The following CLTRN variants were observed in gnomAD, a reference collection of about 807,000 sequenced individuals.
CLTRN encodes collectrin.
Under a neutral mutation model 14.5 loss-of-function variants are expected in CLTRN, and 12 were observed. The observed-to-expected ratio is 0.83, with a 90% CI of 0.53 to 1.34. The LOEUF (loss-of-function observed/expected upper bound fraction) is 1.34. CLTRN is among the 40% of genes most tolerant of loss of function. The pLI is 0.00. For missense variants in CLTRN, 154 were observed against 165.1 expected (o/e 0.93, Z 0.37); for synonymous variants, 58 against 56.5 (o/e 1.03, Z -0.12).
chrX:15,654,986 C>T (rs764966219), intron 3 of CLTRN, among the ~76,000 whole-genome samples: 164 of 112,467 alleles, frequency 1.5e-3, no homozygotes, highest in African/African-American at 5.1e-3. Context: ...CTCTTGACAG[C>T]ATCTGGGGCA....
At chrX:15,634,161 A>G (rs1928762933) in intron 5 of CLTRN, among the ~76,000 whole-genome samples, 1 of 112,043 alleles carries the variant, frequency 8.9e-6, no homozygotes, top group African/African-American at 3.2e-5. Flanking sequence ...TGTAAACTAC[A>G]AAGTTCCAGG....
intron 3 of CLTRN, among the ~76,000 whole-genome samples, chrX:15,648,458 G>T (rs892739621): frequency 6.3e-5 from 7 of 110,803 alleles, no homozygotes; most frequent in African/African-American, 2.3e-4. Flanking sequence ...ATCCCCTGAA[G>T]GACAAAATCA....
chrX:15,639,476 A>G, intron 5 of CLTRN, 86 bp downstream of exon 5: 1 of 864,752 alleles, frequency 1.2e-6, no homozygotes, highest in Non-Finnish European at 1.6e-6. Flanking sequence ...CATTATCTTC[A>G]GCCAGAGGAA....
At chrX:15,654,681 T>C (rs6632695) in intron 3 of CLTRN, among the ~76,000 whole-genome samples, 27,805 of 111,744 alleles carry the variant, frequency 0.25, 2,720 homozygotes, top group East Asian at 0.52. Flanking sequence ...AAATTGTGAA[T>C]GATGATTTTG....
At chrX:15,643,727 C>A (rs1180223198) in intron 4 of CLTRN, among the ~76,000 whole-genome samples, 1 of 112,415 alleles carries the variant, frequency 8.9e-6, no homozygotes, top group African/African-American at 3.2e-5. Context: ...CAGTATAAAT[C>A]CTCAGTGCCT....
intron 3 of CLTRN, among the ~76,000 whole-genome samples, chrX:15,656,122 G>T (rs1428374821): frequency 8.9e-6 from 1 of 111,936 alleles, no homozygotes; most frequent in Non-Finnish European, 1.9e-5. Flanking sequence ...GGAATCCCTG[G>T]TTTCTCTTCC....
intron 3 of CLTRN, among the ~76,000 whole-genome samples, chrX:15,658,776 T>C (rs1054818052): frequency 5.2e-4 from 56 of 108,685 alleles, no homozygotes; most frequent in Non-Finnish European, 8.0e-4. Context: ...TTAGGATATA[T>C]AGCTGCAATT....
intron 5 of CLTRN, among the ~76,000 whole-genome samples, chrX:15,628,488 A>G (rs1442607604): frequency 8.9e-6 from 1 of 112,372 alleles, no homozygotes; most frequent in East Asian, 2.8e-4. Context: ...AATGTGAAGA[A>G]AATGCATAGT....
At chrX:15,665,403 T>C (rs1929602111), upstream of CLTRN, among the ~76,000 whole-genome samples, 1 of 111,916 alleles carries the variant, frequency 8.9e-6, no homozygotes, top group Non-Finnish European at 1.9e-5. Flanking sequence ...GGTGACAAAA[T>C]AATCTGTACA....
At chrX:15,649,760 T>G (rs1929172704) in intron 3 of CLTRN, among the ~76,000 whole-genome samples, 5 of 110,574 alleles carry the variant, frequency 4.5e-5, no homozygotes, top group Admixed American at 1.9e-4. Context: ...CAGGGGGCGG[T>G]CAGTACCAAG....
intron 1 of CLTRN, among the ~76,000 whole-genome samples, chrX:15,673,184 C>G (rs138596360): frequency 1.4e-3 from 163 of 112,699 alleles, no homozygotes; most frequent in African/African-American, 4.9e-3. Flanking sequence ...TTCTCAAAAG[C>G]AAACAAAATC....
chrX:15,669,208 C>G (rs2147217878), upstream of CLTRN, among the ~76,000 whole-genome samples: 1 of 111,927 alleles, frequency 8.9e-6, no homozygotes, highest in Non-Finnish European at 1.9e-5. Context: ...TTTTCCTATA[C>G]TTTTCAAAGT....
At chrX:15,655,140 T>C (rs891593071) in intron 3 of CLTRN, among the ~76,000 whole-genome samples, 9 of 111,730 alleles carry the variant, frequency 8.1e-5, no homozygotes, top group African/African-American at 2.6e-4. Context: ...GCTCCAGCCA[T>C]TTCCTCCGGG....
chrX:15,670,398 T>C (rs1316503767), intron 1 of CLTRN, among the ~76,000 whole-genome samples: 1 of 108,667 alleles, frequency 9.2e-6, no homozygotes, highest in African/African-American at 3.4e-5. Context: ...CTCTACTCAA[T>C]GATTTCCTAA....
rs1050446185 is a variant in CLTRN at position 15,662,392 on chromosome X, A to T, written c.117+1945T>A. On this transcript the variant is annotated intron_variant, in intron 2 of 5. Coordinates refer to ENST00000380342, the MANE Select transcript of CLTRN (RefSeq NM_020665.6). ...CTATCAGAGGCCATTTCCGTCACTT[A>T]TATTAGGAATGCTTCTCCTCTGCCC... Among the ~76,000 whole-genome samples the T allele has an allele frequency of 3.6e-5, 4 of 111,147 alleles. No individual in the cohort carries two copies. In the East Asian group the frequency reaches 1.1e-3, roughly 31 times the overall value.
intron 4 of CLTRN, among the ~76,000 whole-genome samples, chrX:15,644,661 C>G (rs994875506): frequency 3.6e-5 from 4 of 111,695 alleles, no homozygotes; most frequent in Non-Finnish European, 5.6e-5. Context: ...CCAGCTGTGA[C>G]AATAAAAATG....
intron 1 of CLTRN, among the ~76,000 whole-genome samples, chrX:15,669,821 C>T (rs1929684186): frequency 8.9e-6 from 1 of 112,010 alleles, no homozygotes. Flanking sequence ...AAATATATAG[C>T]TCCTAAAATT....
At chrX:15,639,541 C>T (rs1486261975) in intron 5 of CLTRN, 21 bp downstream of exon 5, 1 of 1,177,068 alleles carries the variant, frequency 8.5e-7, no homozygotes, top group Non-Finnish European at 1.1e-6. Context: ...CTCTTTCAAT[C>T]ACTCCTTTTA....
chrX:15,664,996 T>G, upstream of CLTRN: 1 of 401,396 alleles, frequency 2.5e-6, no homozygotes, highest in Non-Finnish European at 4.4e-6. Flanking sequence ...GGAAAACAGA[T>G]TAGTTGTTTT....
Sources: gnomAD v4.1 joint callset for allele counts (sites outside exome capture counted in the v4.1 genomes callset) on GRCh38, gnomAD v4.1.1 for gene constraint, MANE v1.5 for transcripts, NCBI Gene and HGNC (gene_info 2026-07-23, HGNC 2026-07-21) for gene names.